ITFG1: variants seen among roughly 807,000 people sequenced by gnomAD.
The protein encoded by ITFG1 is integrin alpha FG-GAP repeat containing 1.
In ITFG1, 34 loss-of-function variants were observed where a neutral mutation model predicts 81.8. The ratio of observed to expected loss-of-function variants is 0.42; its 90% CI spans 0.32 to 0.55. ITFG1 has a LOEUF of 0.55. ITFG1 is among the 20% of genes least tolerant of loss of function. ITFG1 has a pLI of 0.17. For missense variants in ITFG1, 672 were observed against 755.4 expected, an observed-to-expected ratio of 0.89 and a Z score of 1.29; for synonymous variants, 285 against 270.6, an observed-to-expected ratio of 1.05 and a Z score of -0.52.
intron 14 of ITFG1, among the ~76,000 whole-genome samples, chr16:47,183,951 T>C (rs1965171582): frequency 6.6e-6 from 1 of 152,106 alleles, no homozygotes. Flanking sequence ...AAGGAGCTGA[T>C]GGAGCTGAAA....
At position 47,218,941 on chromosome 16, in the gene ITFG1, A is replaced by T; in HGVS notation, c.1380T>A (p.Phe460Leu). ...SNDCPRKITP[F>L]GVNQPGPYIM... is the part of the protein sequence containing the mutation. ...TATAAGGTCCAGGTTGATTCACTCC[A>T]AAGGGCTGCAATAGAAAAAAAAAAT... The change falls in exon 14 of 18, where the codon TTT becomes TTA. Residue 460 changes from phenylalanine (F) to leucine (L), a missense_variant. Phe to Leu is a conservative substitution (Grantham distance 22). Around this residue, in one of 3 missense-constraint regions of ITFG1, gnomAD observed 560 missense variants for 625.7 expected, o/e 0.90. Coordinates refer to ENST00000320640, the MANE Select transcript of ITFG1 (RefSeq NM_030790.5). 1 of 1,582,360 alleles carries T rather than the reference A, an allele frequency of 6.3e-7. No individual in the cohort carries two copies.
chr16:47,432,139 G>A (rs142168590), intron 5 of ITFG1, among the ~76,000 whole-genome samples: 1 of 152,288 alleles, frequency 6.6e-6, no homozygotes, highest in African/African-American at 2.4e-5. Flanking sequence ...AAATGTCAGT[G>A]AATGCCGGCT....
chr16:47,160,489 G>A (rs1053725178), intron 16 of ITFG1, among the ~76,000 whole-genome samples: 2 of 151,780 alleles, frequency 1.3e-5, no homozygotes, highest in Admixed American at 1.3e-4. Context: ...TAGAAGTACC[G>A]TACTTTATAT....
At chr16:47,333,579 A>G (rs1967664131) in intron 8 of ITFG1, among the ~76,000 whole-genome samples, 1 of 152,246 alleles carries the variant, frequency 6.6e-6, no homozygotes, top group African/African-American at 2.4e-5. Flanking sequence ...AATGAAGTAT[A>G]TAAGCACTGT....
intron 14 of ITFG1, among the ~76,000 whole-genome samples, chr16:47,182,964 A>G (rs535927565): frequency 6.6e-6 from 1 of 152,340 alleles, no homozygotes; most frequent in South Asian, 2.1e-4. Context: ...CGGGAAGCGC[A>G]AGGGGTCAGG....
chr16:47,260,481 A>C lies in ITFG1; in HGVS notation c.1221+64T>G, dbSNP rs1966196290. 1.8e-5 allele frequency: 27 copies of C among 1,540,808 alleles called. No individual in the cohort carries two copies. The South Asian group carries it at 3.1e-4, about 18-fold the overall frequency. On this transcript the variant is annotated intron_variant, in intron 11 of 17. Transcript: ENST00000320640. ...CACATTTTCTGGTCAAATGGAATGAAGCTAAAGTGTGACAAGGTGAAAGGC... is the reference window on the plus strand; with the variant it reads ...CACATTTTCTGGTCAAATGGAATGACGCTAAAGTGTGACAAGGTGAAAGGC...
At chr16:47,185,180 G>A (rs567516195) in intron 14 of ITFG1, among the ~76,000 whole-genome samples, 2 of 152,148 alleles carry the variant, frequency 1.3e-5, no homozygotes, top group African/African-American at 4.8e-5. Flanking sequence ...ATTAGTAATG[G>A]GAGACTTTAA....
intron 6 of ITFG1, chr16:47,396,270 G>T: frequency 4.0e-6 from 2 of 502,942 alleles, no homozygotes; most frequent in Non-Finnish European, 5.1e-6. Flanking sequence ...TAAAATGTAT[G>T]CATTGCTTGC....
At chr16:47,188,832 T>G (rs994952200) in intron 14 of ITFG1, among the ~76,000 whole-genome samples, 4 of 152,182 alleles carry the variant, frequency 2.6e-5, no homozygotes, top group African/African-American at 9.7e-5. Flanking sequence ...TGGCGCTATC[T>G]TGGCTCACTG....
intron 5 of ITFG1, among the ~76,000 whole-genome samples, chr16:47,434,284 G>A (rs1435276439): frequency 6.6e-6 from 1 of 151,274 alleles, no homozygotes; most frequent in Non-Finnish European, 1.5e-5. Flanking sequence ...TACAGAATGG[G>A]ATAAAATGTT....
At chr16:47,408,311 A>G (rs985959669) in intron 6 of ITFG1, among the ~76,000 whole-genome samples, 4 of 152,244 alleles carry the variant, frequency 2.6e-5, no homozygotes, top group Non-Finnish European at 4.4e-5. Context: ...GGCCGATGAC[A>G]TAACACTTGC....
At chr16:47,174,535 T>C (rs1965000342) in intron 14 of ITFG1, among the ~76,000 whole-genome samples, 1 of 152,206 alleles carries the variant, frequency 6.6e-6, no homozygotes, top group Non-Finnish European at 1.5e-5. Context: ...TTATGTTTTT[T>C]TTAGATAGAG....
At position 47,231,187 on chromosome 16, in the gene ITFG1, A is replaced by G. The variant is rs192579415; in HGVS notation, c.1374+6778T>C. Among the ~76,000 whole-genome samples the G allele has an allele frequency of 2.6e-5, 4 of 152,372 alleles. No homozygotes were observed. The East Asian group carries it at 7.7e-4, about 29-fold the overall frequency. On this transcript the variant is annotated intron_variant, in intron 13 of 17. Coordinates refer to ENST00000320640, the MANE Select transcript of ITFG1 (RefSeq NM_030790.5). ...GTCTTTTTGTATATGGGGAAGTCAA[A>G]GACTACTTTTAAACCGTCTGTTCTC...
At chr16:47,333,715 A>C (rs1014022971) in intron 8 of ITFG1, among the ~76,000 whole-genome samples, 1 of 152,210 alleles carries the variant, frequency 6.6e-6, no homozygotes, top group Non-Finnish European at 1.5e-5. Context: ...GTACTTCCCT[A>C]TGGTCAGTTT....
At chr16:47,323,357 AG>A (rs1456215458) in intron 8 of ITFG1, among the ~76,000 whole-genome samples, 1 of 152,148 alleles carries the variant, frequency 6.6e-6, no homozygotes, top group East Asian at 1.9e-4. Context: ...CCATAAGAAA[AG>A]GAAGAGAGGC....
At chr16:47,251,784 ATAAAC>A (rs1320726993) in intron 12 of ITFG1, among the ~76,000 whole-genome samples, 1 of 152,260 alleles carries the variant, frequency 6.6e-6, no homozygotes, top group Non-Finnish European at 1.5e-5. Context: ...ACTAACAACA[ATAAAC>A]TAATAATAAA....
intron 12 of ITFG1, among the ~76,000 whole-genome samples, chr16:47,251,911 G>C (rs1479013155): frequency 1.3e-5 from 2 of 152,180 alleles, no homozygotes; most frequent in East Asian, 3.8e-4. Flanking sequence ...AGTTGACTAT[G>C]GGTAACTAAA....
chr16:47,373,437 A>G (rs1208112131), intron 7 of ITFG1, among the ~76,000 whole-genome samples: 3 of 152,064 alleles, frequency 2.0e-5, no homozygotes, highest in Non-Finnish European at 2.9e-5. Flanking sequence ...GTGCACCACT[A>G]TACCAAGCTA....
intron 7 of ITFG1, among the ~76,000 whole-genome samples, chr16:47,369,474 A>C (rs955807936): frequency 6.6e-6 from 1 of 152,186 alleles, no homozygotes; most frequent in East Asian, 1.9e-4. Context: ...CGTATCAGGC[A>C]CCTATATGGT....
Sources: gnomAD v4.1 joint callset for allele counts (sites outside exome capture counted in the v4.1 genomes callset) on GRCh38, gnomAD v4.1.1 for gene constraint, gnomAD v4.1.1 regional missense constraint, MANE v1.5 for transcripts, NCBI Gene and HGNC (gene_info 2026-07-23, HGNC 2026-07-21) for gene names.